Variants in ROBO1 observed in about 807,000 individuals in gnomAD.
ROBO1 encodes roundabout guidance receptor 1, also known as roundabout homolog 1.
A neutral mutation model predicts 195.9 loss-of-function variants in ROBO1; 149 were observed. The ratio of observed to expected loss-of-function variants is 0.76; its 90% confidence interval spans 0.67 to 0.87. The LOEUF is 0.87. Among genes scored for constraint, ROBO1 ranks in the 40% least tolerant of loss-of-function variants. The pLI, the probability that ROBO1 is intolerant of heterozygous loss-of-function variation, is 0.00. For missense variants in ROBO1, 1,933 were observed against 2,068.3 expected (o/e 0.93, Z 1.27); for synonymous variants, 816 against 733.2 (o/e 1.11, Z -1.82).
At chr3:79,495,561 T>A (rs1252027798) in intron 2 of ROBO1, among the ~76,000 whole-genome samples, 2 of 152,154 alleles carry the variant, frequency 1.3e-5, no homozygotes, top group Non-Finnish European at 2.9e-5. Context: ...ATTAAAATAT[T>A]TATAAAACTA....
At chr3:79,356,032 A>G (rs2035541462) in intron 2 of ROBO1, among the ~76,000 whole-genome samples, 1 of 152,190 alleles carries the variant, frequency 6.6e-6, no homozygotes, top group African/African-American at 2.4e-5. Flanking sequence ...TTTATTCCAT[A>G]TGCTATTCTA....
At chr3:79,747,830 T>C (rs1033138975) in intron 1 of ROBO1, among the ~76,000 whole-genome samples, 1 of 151,748 alleles carries the variant, frequency 6.6e-6, no homozygotes. Context: ...AAAAATAATG[T>C]ACAAAAAATG....
intron 2 of ROBO1, among the ~76,000 whole-genome samples, chr3:79,482,867 A>G (rs769257900): frequency 1.1e-4 from 16 of 152,186 alleles, no homozygotes; most frequent in Non-Finnish European, 2.2e-4. Flanking sequence ...CCAGTGGAAT[A>G]AATAGTTAAT....
intron 2 of ROBO1, among the ~76,000 whole-genome samples, chr3:79,227,154 T>C (rs2082240282): frequency 6.6e-6 from 1 of 152,172 alleles, no homozygotes; most frequent in Admixed American, 6.5e-5. Flanking sequence ...TTAAGCACTG[T>C]CTTCTTTAGT....
At chr3:79,580,447 A>G (rs1468267745) in intron 2 of ROBO1, among the ~76,000 whole-genome samples, 1 of 152,098 alleles carries the variant, frequency 6.6e-6, no homozygotes, top group Non-Finnish European at 1.5e-5. Context: ...ACACCATTGC[A>G]CTCCAGCCTG....
intron 14 of ROBO1, among the ~76,000 whole-genome samples, chr3:78,662,426 T>C (rs1707480746): frequency 6.6e-6 from 1 of 152,148 alleles, no homozygotes; most frequent in Non-Finnish European, 1.5e-5. Context: ...ACGATCACTT[T>C]CCTGATGAAA....
chr3:79,413,627 CA>C (rs1323699681), intron 2 of ROBO1, among the ~76,000 whole-genome samples: 1 of 151,780 alleles, frequency 6.6e-6, no homozygotes, highest in Non-Finnish European at 1.5e-5. Context: ...ATTTTTAAAG[CA>C]AAAAAGGACA....
intron 4 of ROBO1, among the ~76,000 whole-genome samples, chr3:78,934,166 G>A (rs2039676094): frequency 6.6e-6 from 1 of 151,922 alleles, no homozygotes; most frequent in African/African-American, 2.4e-5. Flanking sequence ...AGAGAAAAAG[G>A]TAGTGAAAGC....
chr3:78,893,089 T>C (rs1333540157), intron 4 of ROBO1, among the ~76,000 whole-genome samples: 1 of 152,220 alleles, frequency 6.6e-6, no homozygotes, highest in African/African-American at 2.4e-5. Context: ...AGATTTGTTC[T>C]TGACATCTCA....
At chr3:79,094,903 C>A (rs2108497267) in intron 3 of ROBO1, among the ~76,000 whole-genome samples, 1 of 124,684 alleles carries the variant, frequency 8.0e-6, no homozygotes, top group South Asian at 3.1e-4. Context: ...ACCCTTCCTT[C>A]CCTCCCTTCC....
chr3:79,740,236 AAT>A (rs34984469), intron 1 of ROBO1, among the ~76,000 whole-genome samples: 88,636 of 143,446 alleles, frequency 0.62, 27,601 homozygotes, highest in South Asian at 0.69. Flanking sequence ...TTTATATATA[AAT>A]ATATATATAT....
intron 26 of ROBO1, among the ~76,000 whole-genome samples, chr3:78,624,026 A>C (rs1371276894): frequency 6.6e-6 from 1 of 152,192 alleles, no homozygotes; most frequent in African/African-American, 2.4e-5. Flanking sequence ...AAAAAGGTAG[A>C]TACAATTAAA....
chr3:79,217,779 A>G (rs2108817801), intron 2 of ROBO1, among the ~76,000 whole-genome samples: 1 of 152,002 alleles, frequency 6.6e-6, no homozygotes, highest in African/African-American at 2.4e-5. Context: ...AATAAATGTC[A>G]TTTCTACCAT....
intron 2 of ROBO1, among the ~76,000 whole-genome samples, chr3:79,234,833 G>T (rs2082380361): frequency 6.6e-6 from 1 of 152,056 alleles, no homozygotes; most frequent in African/African-American, 2.4e-5. Flanking sequence ...TGTAGGGGGA[G>T]GGAGAAGGGT....
At chr3:79,610,363 CCTTTCTCT>C (rs144156335) in intron 1 of ROBO1, among the ~76,000 whole-genome samples, 85,471 of 150,810 alleles carry the variant, frequency 0.57, 25,663 homozygotes, top group East Asian at 0.88. Flanking sequence ...ACGTGGGCTC[CCTTTCTCT>C]CTTTCTCTCT....
chr3:79,002,625 AACC>A (rs548046490), intron 3 of ROBO1, among the ~76,000 whole-genome samples: 34 of 152,226 alleles, frequency 2.2e-4, no homozygotes, highest in African/African-American at 7.9e-4. Flanking sequence ...CCAAGCTGCT[AACC>A]ACCACATTAC....
At position 78,717,966 on chromosome 3, in the gene ROBO1, G is replaced by C. The variant is rs181844205; in HGVS notation, c.658-83C>G. 6.2e-6 allele frequency: 8 copies of C among 1,296,698 alleles called. No individual in the cohort carries two copies. In the East Asian group the frequency reaches 1.6e-4, roughly 27 times the overall value. 80.3% of individuals were successfully genotyped at this position (1,296,698 alleles called of 1,614,324 possible). ...ACAGATGTCTTCATAAGTGAAGACT[G>C]CTTTCTAAGCATATAAATCAAAGCA... On this transcript the variant is annotated intron_variant, in intron 5 of 30. Transcript: ENST00000464233.
chr3:79,206,573 G>C (rs933343880), intron 2 of ROBO1, among the ~76,000 whole-genome samples: 21 of 152,120 alleles, frequency 1.4e-4, no homozygotes, highest in African/African-American at 5.1e-4. Context: ...TGGGGGTCTT[G>C]AAACATATCC....
chr3:79,160,481 G>A (rs2080938613), intron 2 of ROBO1, among the ~76,000 whole-genome samples: 1 of 151,944 alleles, frequency 6.6e-6, no homozygotes, highest in Admixed American at 6.6e-5. Context: ...AAAATTGGGT[G>A]TTAACTGAGG....
Sources: allele counts gnomAD v4.1 joint callset (sites outside exome capture counted in the v4.1 genomes callset), GRCh38; gene constraint gnomAD v4.1.1; transcripts MANE v1.5; gene names NCBI Gene and HGNC (gene_info 2026-07-23, HGNC 2026-07-21).